VAT1L: variants seen among roughly 807,000 people sequenced by gnomAD.
The protein encoded by VAT1L is putative NADPH-dependent quinone oxidoreductase VAT1L.
A neutral mutation model predicts 44.1 loss-of-function variants in VAT1L; 34 were observed. That is an observed-to-expected ratio of 0.77 (90% CI 0.59 to 1.03). The LOEUF is 1.03. Among genes scored for constraint, VAT1L ranks in the 50% least tolerant of loss-of-function variants. The probability of loss-of-function intolerance (pLI) is 0.00; values close to 1 mark genes in which losing one functional copy is unlikely to be tolerated. For missense variants in VAT1L, 615 were observed against 538.8 expected, an observed-to-expected ratio of 1.14 and a Z score of -1.40; for synonymous variants, 253 against 202.2, an observed-to-expected ratio of 1.25 and a Z score of -2.13.
At chr16:77,824,010 C>T (rs577360837) in intron 2 of VAT1L, among the ~76,000 whole-genome samples, 4 of 151,900 alleles carry the variant, frequency 2.6e-5, no homozygotes, top group East Asian at 3.9e-4. Context: ...GAAACAAGAG[C>T]GAAACTCCAT....
intron 7 of VAT1L, among the ~76,000 whole-genome samples, chr16:77,945,806 T>C (rs1009768879): frequency 7.3e-5 from 11 of 151,304 alleles, no homozygotes; most frequent in African/African-American, 2.7e-4. Flanking sequence ...ACTTTTTTTT[T>C]TTTTTCTTTT....
At chr16:77,819,461 A>C (rs983057538) in intron 2 of VAT1L, among the ~76,000 whole-genome samples, 1 of 151,818 alleles carries the variant, frequency 6.6e-6, no homozygotes, top group Non-Finnish European at 1.5e-5. Flanking sequence ...AGCTCACTGC[A>C]ATCTCTGCCT....
intron 3 of VAT1L, among the ~76,000 whole-genome samples, chr16:77,855,006 T>A (rs1216609897): frequency 6.6e-6 from 1 of 152,148 alleles, no homozygotes; most frequent in Non-Finnish European, 1.5e-5. Flanking sequence ...ATCTTAGAAC[T>A]GAAGAGACCA....
chr16:77,930,402 C>T (rs931643547), intron 7 of VAT1L, among the ~76,000 whole-genome samples: 3 of 152,126 alleles, frequency 2.0e-5, no homozygotes, highest in Non-Finnish European at 4.4e-5. Flanking sequence ...TCTCTTACCT[C>T]GGGGAGAAGG....
chr16:77,824,613 G>A (rs1422926571), intron 2 of VAT1L, among the ~76,000 whole-genome samples: 4 of 151,332 alleles, frequency 2.6e-5, no homozygotes, highest in Admixed American at 1.3e-4. Flanking sequence ...AAAATTAGCC[G>A]GGCATGGTGA....
chr16:77,847,034 C>T (rs1186193828), intron 3 of VAT1L, among the ~76,000 whole-genome samples: 1 of 152,112 alleles, frequency 6.6e-6, no homozygotes, highest in Non-Finnish European at 1.5e-5. Flanking sequence ...GTGTTGCTTT[C>T]ATAATAATAC....
intron 2 of VAT1L, among the ~76,000 whole-genome samples, chr16:77,817,607 T>G (rs4417560): frequency 0.23 from 35,095 of 152,120 alleles, 4,158 homozygotes; most frequent in South Asian, 0.3. Flanking sequence ...GAACTGGCCA[T>G]GGATTGATGG....
intron 3 of VAT1L, among the ~76,000 whole-genome samples, chr16:77,843,150 C>T (rs1310900211): frequency 6.6e-6 from 1 of 152,194 alleles, no homozygotes; most frequent in Non-Finnish European, 1.5e-5. Flanking sequence ...AGAAAGGGGA[C>T]AGCAGGTACG....
chr16:77,900,998 C>T (rs980414305), intron 7 of VAT1L, among the ~76,000 whole-genome samples: 12 of 151,910 alleles, frequency 7.9e-5, no homozygotes, highest in South Asian at 2.1e-4. Context: ...AGAGCAAGGG[C>T]GAGGAAGTTC....
chr16:77,955,517 G>A (rs190618192), intron 7 of VAT1L, among the ~76,000 whole-genome samples: 1 of 152,194 alleles, frequency 6.6e-6, no homozygotes, highest in Non-Finnish European at 1.5e-5. Flanking sequence ...TTGAGGTCAG[G>A]TGTTCGAGAC....
intron 1 of VAT1L, among the ~76,000 whole-genome samples, chr16:77,806,552 C>T (rs2016163469): frequency 1.3e-5 from 2 of 151,476 alleles, no homozygotes; most frequent in South Asian, 4.2e-4. Context: ...ACCATGTTAG[C>T]CAGCATGGTC....
chr16:77,946,504 G>A (rs550420931), intron 7 of VAT1L, among the ~76,000 whole-genome samples: 11 of 151,618 alleles, frequency 7.3e-5, no homozygotes, highest in Admixed American at 2.0e-4. Flanking sequence ...GCATGATCTC[G>A]ATCTCCTGAC....
At chr16:77,839,709 C>T (rs1435885544) in intron 3 of VAT1L, among the ~76,000 whole-genome samples, 1 of 152,010 alleles carries the variant, frequency 6.6e-6, no homozygotes, top group African/African-American at 2.4e-5. Context: ...TCTATCTTGT[C>T]ATGGGCCCTC....
intron 7 of VAT1L, among the ~76,000 whole-genome samples, chr16:77,938,764 T>C (rs2017836615): frequency 6.6e-6 from 1 of 152,214 alleles, no homozygotes; most frequent in South Asian, 2.1e-4. Flanking sequence ...TTACCCAGTC[T>C]CAGGTATTTC....
At chr16:77,931,851 A>C (rs1316769509) in intron 7 of VAT1L, among the ~76,000 whole-genome samples, 1 of 152,170 alleles carries the variant, frequency 6.6e-6, no homozygotes, top group African/African-American at 2.4e-5. Context: ...GGGGAAAATC[A>C]CCTAAGCAAC....
At chr16:77,848,091 G>T (rs2016774543) in intron 3 of VAT1L, among the ~76,000 whole-genome samples, 1 of 152,198 alleles carries the variant, frequency 6.6e-6, no homozygotes, top group African/African-American at 2.4e-5. Context: ...TCAACAGGGA[G>T]TAAGAAGGGA....
chr16:77,807,136 C>T (rs966413023), intron 1 of VAT1L, among the ~76,000 whole-genome samples: 1 of 152,200 alleles, frequency 6.6e-6, no homozygotes, highest in African/African-American at 2.4e-5. Flanking sequence ...CATAAAAATT[C>T]ACCATCAGTG....
chr16:77,944,514 T>A (rs1756516518), intron 7 of VAT1L, among the ~76,000 whole-genome samples: 1 of 152,212 alleles, frequency 6.6e-6, no homozygotes, highest in African/African-American at 2.4e-5. Context: ...TCTGTGACCA[T>A]GAGCATAGTA....
chr16:77,833,474 T>C (rs1344104496), intron 3 of VAT1L, among the ~76,000 whole-genome samples: 2 of 152,164 alleles, frequency 1.3e-5, no homozygotes, highest in South Asian at 2.1e-4. Context: ...GGTAGTGGGC[T>C]GGGCGTGGTG....
Sources: allele counts gnomAD v4.1 joint callset (sites outside exome capture counted in the v4.1 genomes callset), GRCh38; gene constraint gnomAD v4.1.1; transcripts MANE v1.5; gene names NCBI Gene and HGNC (gene_info 2026-07-23, HGNC 2026-07-21).